ZBTB20: variants seen among roughly 807,000 people sequenced by gnomAD.
The protein encoded by ZBTB20 is zinc finger and BTB domain-containing protein 20.
ZBTB20 carries 9 observed loss-of-function variants against 56.9 expected under a neutral mutation model. That is an observed-to-expected ratio of 0.16 (90% CI 0.10 to 0.28). The LOEUF (loss-of-function observed/expected upper bound fraction) is 0.28. ZBTB20 is among the 10% of genes least tolerant of loss of function. ZBTB20 has a pLI of 1.00. For missense variants in ZBTB20, 655 were observed against 1,003.0 expected, an observed-to-expected ratio of 0.65 and a Z score of 4.69; for synonymous variants, 417 against 420.7, an observed-to-expected ratio of 0.99 and a Z score of 0.11.
intron 6 of ZBTB20, among the ~76,000 whole-genome samples, chr3:114,527,689 T>C (rs75217012): frequency 0.014 from 2,151 of 152,308 alleles, 52 homozygotes; most frequent in African/African-American, 0.049. Context: ...TTACCAGTAA[T>C]TGCAACTTCA....
At chr3:115,145,528 A>C (rs1393443888) in intron 1 of ZBTB20, among the ~76,000 whole-genome samples, 1 of 152,186 alleles carries the variant, frequency 6.6e-6, no homozygotes, top group Non-Finnish European at 1.5e-5. Context: ...TGTATTAATA[A>C]ATCGTTGTTA....
chr3:114,885,829 A>C (rs2076581409), intron 4 of ZBTB20, among the ~76,000 whole-genome samples: 1 of 152,222 alleles, frequency 6.6e-6, no homozygotes. Flanking sequence ...ACAGAAGTGC[A>C]CCAAAAGAGC....
rs762079500 is a variant in ZBTB20, at chr3:114,334,887, G to T, written c.*4118C>A. Reference sequence around the variant, plus strand: ...TTTTGATACAGAGATTTTCATTTCAGATTTTTTTTCTTTGCTTAGCTTGTT... The same window carrying T: ...TTTTGATACAGAGATTTTCATTTCATATTTTTTTTCTTTGCTTAGCTTGTT... On this transcript the variant is annotated 3_prime_UTR_variant, in exon 12 of 12. Transcript: ENST00000675478. 4.6e-5 allele frequency: 7 copies of T among 152,128 alleles called. No individual in the cohort carries two copies. The highest frequency in any genetic ancestry group is 1.0e-4 in the Non-Finnish European group (7 of 68,018). The allele number at this position is 152,128 out of a possible 1,614,324, so 9.4% of individuals were successfully genotyped here. A position where few individuals can be genotyped will look rare whatever the true frequency, so the allele number is the denominator to read the frequency against.
Position 115,127,583 on chromosome 3 carries a change from ACT to A in ZBTB20, c.-703+19634_-703+19635del, listed in dbSNP as rs1045241175. ...ACTCCAGCCTGGGCAATAAATCAAA[ACT>A]CTGTCTCAAAAAATAAGAAAATAAA... On this transcript the variant is annotated intron_variant, in intron 1 of 11. Transcript: ENST00000675478. Among the ~76,000 whole-genome samples, 4 of 152,194 alleles carry A rather than the reference ACT, an allele frequency of 2.6e-5. No homozygotes were observed. In the Middle Eastern group the frequency reaches 0.01, roughly 388 times the overall value.
chr3:114,792,413 T>G (rs889534786), intron 5 of ZBTB20, among the ~76,000 whole-genome samples: 1 of 152,148 alleles, frequency 6.6e-6, no homozygotes, highest in Non-Finnish European at 1.5e-5. Context: ...AAGATTTCAA[T>G]GGACTGCTAA....
At chr3:114,791,750 C>T (rs1462333898) in intron 5 of ZBTB20, 1 of 152,100 alleles carries the variant, frequency 6.6e-6, no homozygotes, top group Non-Finnish European at 1.5e-5. Flanking sequence ...AAGACCTTGT[C>T]AAAAATCTAA....
At chr3:115,087,521 G>A (rs1351429824) in intron 1 of ZBTB20, among the ~76,000 whole-genome samples, 3 of 151,866 alleles carry the variant, frequency 2.0e-5, no homozygotes, top group African/African-American at 7.2e-5. Flanking sequence ...AAAGACAGTA[G>A]CCAAAGAAAA....
chr3:114,824,444 C>A lies in ZBTB20; in HGVS notation c.-416-23270G>T, dbSNP rs556781437. Among the ~76,000 whole-genome samples, 7 of 152,052 alleles carry A rather than the reference C, an allele frequency of 4.6e-5. No individual in the cohort carries two copies. In the South Asian group the frequency reaches 1.2e-3, roughly 27 times the overall value. ...TTTTAAATATGCCACTTCAGCCACT[C>A]CAGCTGTCACTCAAGAGGCTTTTTT... is the stretch of plus-strand genomic sequence containing the variant. On this transcript the variant is annotated intron_variant, in intron 4 of 11. Coordinates refer to ENST00000675478, the MANE Select transcript of ZBTB20 (RefSeq NM_001348800.3).
intron 6 of ZBTB20, chr3:114,684,431 G>A (rs2062191704): frequency 6.6e-6 from 1 of 152,182 alleles, no homozygotes. Context: ...TAAAATACAG[G>A]AGAAATTGGG....
chr3:114,600,235 A>T (rs181805985), intron 6 of ZBTB20, among the ~76,000 whole-genome samples: 1 of 152,190 alleles, frequency 6.6e-6, no homozygotes. Context: ...AAAATCTCAG[A>T]GAAGGATTCC....
Position 114,780,880 on chromosome 3 carries a change from T to C in ZBTB20, c.-343+20221A>G, listed in dbSNP as rs1315302600. Among the ~76,000 whole-genome samples the C allele has an allele frequency of 5.3e-5, 8 of 152,168 alleles. 1 individual carries two copies. Among genetic ancestry groups the C allele is most frequent in the Admixed American group, 5.2e-4 (8 of 15,270 alleles). On this transcript the variant is annotated intron_variant, in intron 5 of 11. Coordinates refer to ENST00000675478, the MANE Select transcript of ZBTB20 (RefSeq NM_001348800.3). ...AGGGAATCATATGACTTACCATAAA[T>C]AAGCAAACATATTCTGTATTACCAA...
chr3:114,954,021 G>A (rs979812507), intron 3 of ZBTB20, among the ~76,000 whole-genome samples: 47 of 152,046 alleles, frequency 3.1e-4, no homozygotes, highest in Non-Finnish European at 2.9e-5. Flanking sequence ...TGAGAATGGG[G>A]GAGGTCAAAT....
At chr3:114,692,719 C>T (rs927223045) in intron 6 of ZBTB20, among the ~76,000 whole-genome samples, 2 of 152,198 alleles carry the variant, frequency 1.3e-5, no homozygotes, top group African/African-American at 2.4e-5. Context: ...TTTATCTATA[C>T]ACCCCCAGTC....
chr3:114,697,317 G>A lies in ZBTB20; in HGVS notation c.-342-3742C>T, dbSNP rs77670652. Among the ~76,000 whole-genome samples the A allele has an allele frequency of 5.6e-4, 85 of 151,830 alleles. 3 individuals carry two copies. The highest frequency in any genetic ancestry group is 5.4e-3 in the South Asian group (26 of 4,812). On this transcript the variant is annotated intron_variant, in intron 5 of 11. Coordinates refer to ENST00000675478, the MANE Select transcript of ZBTB20 (RefSeq NM_001348800.3). ...GGTTTTTCACAAAATAAGTAAAAAC[G>A]AAGTCAAAACATCTCAAAATAAGTT...
intron 5 of ZBTB20, among the ~76,000 whole-genome samples, chr3:114,756,916 C>T (rs772117736): frequency 4.6e-5 from 7 of 152,096 alleles, no homozygotes; most frequent in African/African-American, 7.2e-5. Flanking sequence ...ATCTCATATC[C>T]TTCCAGATAC....
At chr3:114,829,658 G>A (rs577778460) in intron 4 of ZBTB20, among the ~76,000 whole-genome samples, 1 of 151,794 alleles carries the variant, frequency 6.6e-6, no homozygotes, top group South Asian at 2.1e-4. Flanking sequence ...AAAGATTCTA[G>A]GTAGAAGTTA....
chr3:114,733,726 C>T (rs557502035), intron 5 of ZBTB20, among the ~76,000 whole-genome samples: 3 of 152,170 alleles, frequency 2.0e-5, no homozygotes, highest in South Asian at 2.1e-4. Flanking sequence ...TTTTGATATA[C>T]ATTGGATTGC....
intron 6 of ZBTB20, among the ~76,000 whole-genome samples, chr3:114,562,872 T>C (rs1485029220): frequency 1.3e-5 from 2 of 152,208 alleles, no homozygotes; most frequent in African/African-American, 4.8e-5. Context: ...TGTCATCTTA[T>C]ATGGGTGTGG....
intron 4 of ZBTB20, among the ~76,000 whole-genome samples, chr3:114,850,965 AT>A (rs1277074309): frequency 6.6e-6 from 1 of 152,192 alleles, no homozygotes; most frequent in Non-Finnish European, 1.5e-5. Context: ...ATGGCTGTAA[AT>A]GCTGCATATT....
Sources: allele counts gnomAD v4.1 joint callset (sites outside exome capture counted in the v4.1 genomes callset), GRCh38; gene constraint gnomAD v4.1.1; transcripts MANE v1.5; gene names NCBI Gene and HGNC (gene_info 2026-07-23, HGNC 2026-07-21).